ANKS1B: variants seen among roughly 807,000 people sequenced by gnomAD.
The protein encoded by ANKS1B is ankyrin repeat and sterile alpha motif domain-containing protein 1B.
In ANKS1B, 36 loss-of-function variants were observed where a neutral mutation model predicts 148.3. The observed-to-expected ratio is 0.24, with a 90% CI of 0.19 to 0.32. The LOEUF is 0.32. ANKS1B is among the 10% of genes least tolerant of loss of function. The pLI, the probability that ANKS1B is intolerant of heterozygous loss-of-function variation, is 1.00. For missense variants in ANKS1B, 1,157 were observed against 1,542.6 expected (o/e 0.75, Z 4.19); for synonymous variants, 542 against 560.8 (o/e 0.97, Z 0.47).
At chr12:99,027,326 A>G (rs1205612276) in intron 17 of ANKS1B, among the ~76,000 whole-genome samples, 1 of 152,198 alleles carries the variant, frequency 6.6e-6, no homozygotes, top group Non-Finnish European at 1.5e-5. Context: ...CACACAGTAA[A>G]AAACATCTTG....
chr12:99,345,528 T>C (rs552937039), intron 12 of ANKS1B, among the ~76,000 whole-genome samples: 2 of 152,078 alleles, frequency 1.3e-5, no homozygotes, highest in African/African-American at 2.4e-5. Context: ...GAAAGAATCA[T>C]GGAACTTTAA....
At chr12:99,670,476 T>C (rs944211373) in intron 8 of ANKS1B, among the ~76,000 whole-genome samples, 1 of 152,116 alleles carries the variant, frequency 6.6e-6, no homozygotes, top group Non-Finnish European at 1.5e-5. Flanking sequence ...TTATTGTTTA[T>C]GCCCAATATT....
intron 8 of ANKS1B, among the ~76,000 whole-genome samples, chr12:99,663,970 C>T (rs1433087729): frequency 2.0e-5 from 3 of 152,116 alleles, no homozygotes; most frequent in Admixed American, 6.5e-5. Flanking sequence ...TATATACAAT[C>T]AATTTGAACG....
intron 1 of ANKS1B, among the ~76,000 whole-genome samples, chr12:99,940,669 A>T (rs1763487682): frequency 6.6e-6 from 1 of 152,194 alleles, no homozygotes; most frequent in South Asian, 2.1e-4. Context: ...TGAGAAAGAT[A>T]CTAAGATACG....
At chr12:99,286,988 G>T (rs1009929754) in intron 12 of ANKS1B, among the ~76,000 whole-genome samples, 1 of 152,178 alleles carries the variant, frequency 6.6e-6, no homozygotes, top group Non-Finnish European at 1.5e-5. Flanking sequence ...CCACCCTGAA[G>T]GGAAGGGCAT....
At chr12:99,405,296 GA>G (rs1173420168) in intron 11 of ANKS1B, among the ~76,000 whole-genome samples, 1 of 144,930 alleles carries the variant, frequency 6.9e-6, no homozygotes, top group Non-Finnish European at 1.5e-5. Context: ...GGTGACAAAT[GA>G]AAAAATAGAC....
rs182308717 is a variant in ANKS1B, at chr12:98,834,875, T to C, written c.2779-2739A>G. ...CCATCTCAGAAAAAATATGATAACC[T>C]TTTCAAAGGTATTTTGCAAGTCTAA... is the stretch of plus-strand genomic sequence containing the variant. On this transcript the variant is annotated intron_variant, in intron 17 of 26. Transcript: ENST00000683438. Among the ~76,000 whole-genome samples, 625 of 152,284 alleles carry C rather than the reference T, an allele frequency of 4.1e-3. 1 individual carries two copies. The highest frequency in any genetic ancestry group is 0.014 in the Middle Eastern group (4 of 294).
At chr12:99,357,223 G>A (rs2092075973) in intron 12 of ANKS1B, among the ~76,000 whole-genome samples, 1 of 151,916 alleles carries the variant, frequency 6.6e-6, no homozygotes, top group African/African-American at 2.4e-5. Flanking sequence ...TATTTTCCAT[G>A]TTACTATAAG....
At chr12:98,775,136 C>G (rs2098657135) in intron 24 of ANKS1B, among the ~76,000 whole-genome samples, 1 of 152,144 alleles carries the variant, frequency 6.6e-6, no homozygotes, top group African/African-American at 2.4e-5. Flanking sequence ...TCTCACTTGT[C>G]CAGGAGGCAC....
chr12:99,423,299 A>G (rs2095150811), intron 11 of ANKS1B, among the ~76,000 whole-genome samples: 2 of 152,240 alleles, frequency 1.3e-5, no homozygotes, highest in African/African-American at 4.8e-5. Context: ...ACCTCACACC[A>G]GTCAGAATGA....
At chr12:99,672,052 T>C (rs1047455062) in intron 8 of ANKS1B, among the ~76,000 whole-genome samples, 5 of 152,136 alleles carry the variant, frequency 3.3e-5, no homozygotes, top group African/African-American at 9.7e-5. Context: ...TTCAAAAACA[T>C]GGCAATATCC....
chr12:99,326,299 T>A (rs1268017254), intron 12 of ANKS1B, among the ~76,000 whole-genome samples: 1 of 152,022 alleles, frequency 6.6e-6, no homozygotes, highest in Non-Finnish European at 1.5e-5. Flanking sequence ...GGTCAAAAAA[T>A]GACATTATCT....
intron 17 of ANKS1B, among the ~76,000 whole-genome samples, chr12:99,004,131 C>A (rs1233850680): frequency 6.6e-6 from 1 of 152,096 alleles, no homozygotes; most frequent in East Asian, 1.9e-4. Context: ...AGTCAATTCT[C>A]AGAGGGAGCA....
intron 9 of ANKS1B, among the ~76,000 whole-genome samples, chr12:99,529,193 C>CA (rs1035762577): frequency 6.6e-6 from 1 of 151,850 alleles, no homozygotes; most frequent in Non-Finnish European, 1.5e-5. Flanking sequence ...TACAAATCCT[C>CA]AAAAAAAGAC....
At chr12:98,987,560 T>G (rs1375406133) in intron 17 of ANKS1B, among the ~76,000 whole-genome samples, 1 of 152,134 alleles carries the variant, frequency 6.6e-6, no homozygotes, top group Non-Finnish European at 1.5e-5. Flanking sequence ...AAGTGATAAG[T>G]GGTACAGAAA....
chr12:99,361,337 T>G (rs1387171524), intron 12 of ANKS1B, among the ~76,000 whole-genome samples: 1 of 152,124 alleles, frequency 6.6e-6, no homozygotes, highest in Admixed American at 6.6e-5. Flanking sequence ...AATCAAGTAC[T>G]AGGTGTACTT....
chr12:99,295,805 T>TGAGTC (rs2080794248), intron 12 of ANKS1B, among the ~76,000 whole-genome samples: 1 of 152,170 alleles, frequency 6.6e-6, no homozygotes, highest in Non-Finnish European at 1.5e-5. Context: ...TTCCCCTCTA[T>TGAGTC]GAGTCGTGTA....
At chr12:99,154,018 A>G (rs1417595131) in intron 15 of ANKS1B, among the ~76,000 whole-genome samples, 4 of 152,188 alleles carry the variant, frequency 2.6e-5, no homozygotes, top group Non-Finnish European at 5.9e-5. Context: ...GAGAATATCA[A>G]TATTAATCTT....
intron 12 of ANKS1B, among the ~76,000 whole-genome samples, chr12:99,250,888 C>G (rs759922442): frequency 6.6e-6 from 1 of 152,024 alleles, no homozygotes; most frequent in Non-Finnish European, 1.5e-5. Flanking sequence ...ATTTCATAAA[C>G]CAGGTAGCTT....
Sources: gnomAD v4.1 joint callset for allele counts (sites outside exome capture counted in the v4.1 genomes callset) on GRCh38, gnomAD v4.1.1 for gene constraint, MANE v1.5 for transcripts, NCBI Gene and HGNC (gene_info 2026-07-23, HGNC 2026-07-21) for gene names.